Variants in ARHGAP6 observed in about 807,000 individuals in gnomAD.
ARHGAP6 encodes Rho GTPase activating protein 6.
Under a neutral mutation model 55.7 loss-of-function variants are expected in ARHGAP6, and 16 were observed. That is an observed-to-expected ratio of 0.29 (90% CI 0.19 to 0.44). ARHGAP6 has a LOEUF of 0.44. ARHGAP6 is among the 20% of genes least tolerant of loss of function. The pLI, the probability that ARHGAP6 is intolerant of heterozygous loss-of-function variation, is 1.00. For synonymous variants in ARHGAP6, 382 were observed against 360.9 expected, an observed-to-expected ratio of 1.06 and a Z score of -0.66; for missense variants, 698 against 808.9, an observed-to-expected ratio of 0.86 and a Z score of 1.66.
chrX:11,428,943 T>C (rs2049916766), intron 1 of ARHGAP6, among the ~76,000 whole-genome samples: 1 of 111,436 alleles, frequency 9.0e-6, no homozygotes. Flanking sequence ...AAGTCAATCA[T>C]AGGCCTACCT....
chrX:11,490,285 T>C (rs939617555), intron 1 of ARHGAP6, among the ~76,000 whole-genome samples: 17 of 111,736 alleles, frequency 1.5e-4, no homozygotes, highest in Non-Finnish European at 3.0e-4. Context: ...TTGAGAGGTC[T>C]GGAAAAGGGA....
intron 1 of ARHGAP6, among the ~76,000 whole-genome samples, chrX:11,343,717 C>G (rs1302266014): frequency 9.0e-6 from 1 of 111,580 alleles, no homozygotes; most frequent in African/African-American, 3.3e-5. Context: ...AACAAGCCCT[C>G]TAGGTGACTT....
chrX:11,234,035 T>C (rs2047166698), intron 2 of ARHGAP6, among the ~76,000 whole-genome samples: 1 of 112,463 alleles, frequency 8.9e-6, no homozygotes, highest in Non-Finnish European at 1.9e-5. Context: ...TCTTTTTATT[T>C]GGGAAACTGA....
chrX:11,472,247 A>G (rs1455242482), intron 1 of ARHGAP6, among the ~76,000 whole-genome samples: 3 of 111,822 alleles, frequency 2.7e-5, no homozygotes, highest in African/African-American at 9.8e-5. Flanking sequence ...AGTTGTAAGA[A>G]CAAAAAAATC....
At chrX:11,381,127 G>A (rs978389284) in intron 1 of ARHGAP6, among the ~76,000 whole-genome samples, 1 of 112,531 alleles carries the variant, frequency 8.9e-6, no homozygotes, top group Non-Finnish European at 1.9e-5. Context: ...AGTCCATAGC[G>A]GTTCCTGAGT....
At chrX:11,659,372 G>C (rs996464680) in intron 1 of ARHGAP6, among the ~76,000 whole-genome samples, 4 of 110,838 alleles carry the variant, frequency 3.6e-5, no homozygotes, top group Middle Eastern at 4.6e-3. Context: ...CTACAGCAGA[G>C]TTTCTCAGTC....
At chrX:11,585,741 A>G (rs1173413733) in intron 1 of ARHGAP6, among the ~76,000 whole-genome samples, 1 of 112,248 alleles carries the variant, frequency 8.9e-6, no homozygotes, top group Non-Finnish European at 1.9e-5. Context: ...ACATTTCTAT[A>G]AAGAAATACC....
At chrX:11,646,672 G>T (rs2052531040) in intron 1 of ARHGAP6, among the ~76,000 whole-genome samples, 3 of 111,827 alleles carry the variant, frequency 2.7e-5, no homozygotes, top group African/African-American at 9.7e-5. Context: ...ACAGAAATAT[G>T]GAACTAGGGT....
intron 1 of ARHGAP6, among the ~76,000 whole-genome samples, chrX:11,573,690 A>G (rs199762816): frequency 1.8e-5 from 2 of 109,955 alleles, no homozygotes; most frequent in African/African-American, 6.7e-5. Flanking sequence ...GTTCCATATG[A>G]ACTTTAAAGT....
In ARHGAP6 at chrX:11,237,567, C is replaced by T. The variant is rs745813230; in HGVS notation, c.748+16981G>A. Reference sequence around the variant, plus strand: ...CCTGGTATGCCTCAGAGTTTGTGAACCTACCCTAGCCTAAAAGGAAGGTCC... The same window carrying T: ...CCTGGTATGCCTCAGAGTTTGTGAATCTACCCTAGCCTAAAAGGAAGGTCC... On this transcript the variant is annotated intron_variant, in intron 2 of 12. Coordinates refer to ENST00000337414, the MANE Select transcript of ARHGAP6 (RefSeq NM_013427.3). Among the ~76,000 whole-genome samples, 11 of 111,336 alleles carry T rather than the reference C, an allele frequency of 9.9e-5. No homozygotes were observed. In the South Asian group the frequency reaches 3.8e-3, roughly 39 times the overall value.
At chrX:11,512,077 T>C (rs907212359) in intron 1 of ARHGAP6, among the ~76,000 whole-genome samples, 9 of 111,433 alleles carry the variant, frequency 8.1e-5, no homozygotes, top group South Asian at 7.6e-4. Context: ...CTGTCCGCCT[T>C]GGCCTCCCAA....
intron 1 of ARHGAP6, among the ~76,000 whole-genome samples, chrX:11,327,668 C>G (rs909733448): frequency 9.0e-6 from 1 of 111,426 alleles, no homozygotes; most frequent in Non-Finnish European, 1.9e-5. Context: ...TTACCATGTC[C>G]TCTATTGGTG....
At chrX:11,545,144 G>A (rs749732931) in intron 1 of ARHGAP6, among the ~76,000 whole-genome samples, 14 of 111,797 alleles carry the variant, frequency 1.3e-4, no homozygotes, top group African/African-American at 4.5e-4. Flanking sequence ...GGAGTCAGGA[G>A]TGTTCTACAT....
At chrX:11,422,228 G>A (rs1047550783) in intron 1 of ARHGAP6, among the ~76,000 whole-genome samples, 2 of 110,931 alleles carry the variant, frequency 1.8e-5, no homozygotes, top group African/African-American at 6.6e-5. Flanking sequence ...GTCAGGAAAG[G>A]CGACATTTTT....
intron 1 of ARHGAP6, among the ~76,000 whole-genome samples, chrX:11,518,663 T>C (rs1455590798): frequency 9.5e-6 from 1 of 105,350 alleles, no homozygotes; most frequent in Non-Finnish European, 1.9e-5. Context: ...CTTTAAGTTT[T>C]AGGGTACATG....
chrX:11,376,683 A>G (rs2049204723), intron 1 of ARHGAP6, among the ~76,000 whole-genome samples: 1 of 112,909 alleles, frequency 8.9e-6, no homozygotes, highest in Non-Finnish European at 1.9e-5. Context: ...TGCTTATGAG[A>G]TCACAAATTA....
intron 1 of ARHGAP6, among the ~76,000 whole-genome samples, chrX:11,566,784 C>T (rs993099471): frequency 2.7e-5 from 3 of 111,643 alleles, no homozygotes; most frequent in Admixed American, 9.5e-5. Context: ...GCCATGAGAG[C>T]AAAAAAGGAT....
At chrX:11,591,216 A>T (rs956667076) in intron 1 of ARHGAP6, among the ~76,000 whole-genome samples, 33 of 109,767 alleles carry the variant, frequency 3.0e-4, no homozygotes, top group Non-Finnish European at 5.3e-4. Flanking sequence ...TAAATAAAAT[A>T]AATATATAAA....
chrX:11,284,985 T>A (rs1476468), intron 1 of ARHGAP6, among the ~76,000 whole-genome samples: 37,917 of 109,908 alleles, frequency 0.34, 5,642 homozygotes, highest in African/African-American at 0.56. Context: ...TATTTTTATG[T>A]AGATATAATA....
Sources: allele counts gnomAD v4.1 joint callset (sites outside exome capture counted in the v4.1 genomes callset), GRCh38; gene constraint gnomAD v4.1.1; transcripts MANE v1.5; gene names NCBI Gene and HGNC (gene_info 2026-07-23, HGNC 2026-07-21).